The following NCAPG2 variants were observed in gnomAD, a reference collection of about 807,000 sequenced individuals.
NCAPG2 encodes the protein non-SMC condensin II complex subunit G2, also known as condensin-2 complex subunit G2.
Under a neutral mutation model 141.1 loss-of-function variants are expected in NCAPG2, and 53 were observed. The observed-to-expected ratio is 0.38, with a 90% CI of 0.30 to 0.47. The LOEUF (loss-of-function observed/expected upper bound fraction) is 0.47, where lower values mean the gene tolerates loss of function less well. Ranked by LOEUF, NCAPG2 falls within the 20% of genes least tolerant of loss-of-function variation. NCAPG2 has a pLI of 0.99. For missense variants in NCAPG2, 1,087 were observed against 1,389.0 expected (o/e 0.78, Z 3.46); for synonymous variants, 499 against 490.7 (o/e 1.02, Z -0.22).
At chr7:158,694,899 T>C (rs1381274536) in intron 2 of NCAPG2, among the ~76,000 whole-genome samples, 1 of 152,006 alleles carries the variant, frequency 6.6e-6, no homozygotes, top group Non-Finnish European at 1.5e-5. Context: ...CTCCTCTCCA[T>C]TTTCCTTAAG....
At chr7:158,672,820 C>T (rs1462326416) in intron 12 of NCAPG2, among the ~76,000 whole-genome samples, 1 of 152,182 alleles carries the variant, frequency 6.6e-6, no homozygotes, top group Non-Finnish European at 1.5e-5. Context: ...TGCCAGTTCC[C>T]CCAATCCCAC....
At chr7:158,663,214 T>G (rs1223801064) in intron 15 of NCAPG2, among the ~76,000 whole-genome samples, 1 of 152,164 alleles carries the variant, frequency 6.6e-6, no homozygotes, top group Non-Finnish European at 1.5e-5. Context: ...GGAGAAGCCC[T>G]GAGAGAAGAA....
At chr7:158,686,564 T>A (rs974890256) in intron 7 of NCAPG2, among the ~76,000 whole-genome samples, 3 of 152,212 alleles carry the variant, frequency 2.0e-5, no homozygotes, top group African/African-American at 7.2e-5. Flanking sequence ...ATAAATAAAT[T>A]GTCGACTTGG....
intron 21 of NCAPG2, 77 bp downstream of exon 21, chr7:158,655,041 T>G: frequency 6.8e-7 from 1 of 1,477,204 alleles, no homozygotes; most frequent in Non-Finnish European, 9.0e-7. Context: ...AAATTACCAC[T>G]CTAAAGTAGA....
Position 158,645,505 on chromosome 7 carries a change from G to A in NCAPG2, c.3280+14C>T. ...CCAGCCACCTTCCAGATGACAGAGG[G>A]GAATGTAACCAACCTGCATTAATAA... On this transcript the variant is annotated intron_variant, in intron 26 of 27. Coordinates refer to ENST00000356309, the MANE Select transcript of NCAPG2 (RefSeq NM_017760.7). 2 of 1,610,294 alleles carry A rather than the reference G, an allele frequency of 1.2e-6. No homozygotes were observed. The highest frequency in any genetic ancestry group is 2.2e-5 in the South Asian group (2 of 90,972).
intron 4 of NCAPG2, among the ~76,000 whole-genome samples, chr7:158,692,249 GT>G (rs1835162977): frequency 6.6e-6 from 1 of 152,186 alleles, no homozygotes; most frequent in Admixed American, 6.5e-5. Flanking sequence ...CAGGGCTACA[GT>G]GAGCTGGGTT....
chr7:158,655,572 T>C, intron 19 of NCAPG2, 117 bp from the exon 20 acceptor site: 1 of 823,894 alleles, frequency 1.2e-6, no homozygotes. Flanking sequence ...ACCCCCGCTC[T>C]GGTGAAGCCC....
chr7:158,660,277 G>A (rs983056619), intron 16 of NCAPG2, among the ~76,000 whole-genome samples: 3 of 151,902 alleles, frequency 2.0e-5, no homozygotes, highest in Non-Finnish European at 4.4e-5. Flanking sequence ...GACCCTCTAA[G>A]GGTTTCAAAT....
intron 5 of NCAPG2, 59 bp downstream of exon 5, chr7:158,690,509 C>T (rs1221169569): frequency 3.9e-6 from 6 of 1,524,568 alleles, no homozygotes; most frequent in African/African-American, 2.7e-5. Flanking sequence ...CATGCCACTG[C>T]ACTCCATCTG....
At chr7:158,641,324 C>A (rs1003702471) in intron 27 of NCAPG2, 10 of 405,794 alleles carry the variant, frequency 2.5e-5, no homozygotes, top group Non-Finnish European at 2.6e-5. Flanking sequence ...TACATATGCA[C>A]CAATTTTAAG....
intron 27 of NCAPG2, chr7:158,641,489 G>A: frequency 7.3e-6 from 5 of 684,342 alleles, no homozygotes; most frequent in Non-Finnish European, 1.3e-5. Flanking sequence ...TGAGGCAGAA[G>A]GATAGATTGA....
intron 27 of NCAPG2, among the ~76,000 whole-genome samples, chr7:158,634,713 G>A (rs948294806): frequency 6.6e-6 from 1 of 152,118 alleles, no homozygotes; most frequent in Non-Finnish European, 1.5e-5. Context: ...GGCAGTCTGG[G>A]TTTAAACCCA....
intron 24 of NCAPG2, among the ~76,000 whole-genome samples, chr7:158,648,156 C>T (rs539426004): frequency 4.5e-4 from 69 of 152,202 alleles, no homozygotes; most frequent in Middle Eastern, 6.8e-3. Context: ...AGACAAAAGA[C>T]TATTGACAGA....
chr7:158,681,131 A>C (rs1262633526), intron 9 of NCAPG2, among the ~76,000 whole-genome samples: 2 of 152,238 alleles, frequency 1.3e-5, no homozygotes, highest in East Asian at 1.9e-4. Context: ...GACTCGTTTA[A>C]ACCTCTGACC....
chr7:158,697,554 C>A (rs965709005), intron 2 of NCAPG2, among the ~76,000 whole-genome samples: 2 of 149,688 alleles, frequency 1.3e-5, no homozygotes, highest in East Asian at 4.0e-4. Context: ...TGAGCCAAGA[C>A]GACGCCACTG....
At chr7:158,666,760 CA>C (rs573630289) in intron 13 of NCAPG2, among the ~76,000 whole-genome samples, 2 of 149,538 alleles carry the variant, frequency 1.3e-5, no homozygotes. Flanking sequence ...AACCCTGTCT[CA>C]AAAAAAAATA....
intron 12 of NCAPG2, 87 bp from the exon 13 acceptor site, chr7:158,671,753 C>T (rs1265961188): frequency 1.1e-5 from 15 of 1,423,398 alleles, no homozygotes; most frequent in South Asian, 6.4e-5. Flanking sequence ...AGAAAACATT[C>T]GGTTCCATCT....
chr7:158,674,955 T>A (rs891286068), intron 12 of NCAPG2, among the ~76,000 whole-genome samples: 2 of 152,156 alleles, frequency 1.3e-5, no homozygotes, highest in African/African-American at 4.8e-5. Context: ...CACCTGGCCG[T>A]TTCACATTTT....
At chr7:158,667,349 CTTA>C in intron 13 of NCAPG2, 1 of 139,352 alleles carries the variant, frequency 7.2e-6, no homozygotes, top group African/African-American at 1.9e-4. Flanking sequence ...CCCTCCGCTC[CTTA>C]GCCACTACCG....
Sources: gnomAD v4.1 joint callset for allele counts (sites outside exome capture counted in the v4.1 genomes callset) on GRCh38, gnomAD v4.1.1 for gene constraint, MANE v1.5 for transcripts, NCBI Gene and HGNC (gene_info 2026-07-23, HGNC 2026-07-21) for gene names.